KCTD8: variants seen among roughly 807,000 people sequenced by gnomAD.
KCTD8 encodes BTB/POZ domain-containing protein KCTD8.
In KCTD8, 27 loss-of-function variants were observed where a neutral mutation model predicts 31.5. That is an observed-to-expected ratio of 0.86 (90% CI 0.63 to 1.18). The LOEUF is 1.18. Among genes scored for constraint, KCTD8 ranks in the 50% most tolerant of loss-of-function variants. The probability of loss-of-function intolerance (pLI) is 0.00; values close to 1 mark genes in which losing one functional copy is unlikely to be tolerated. For synonymous variants in KCTD8, 290 were observed against 280.0 expected (o/e 1.04, Z -0.36); for missense variants, 658 against 647.7 (o/e 1.02, Z -0.17).
chr4:44,192,499 C>T (rs1198966829), intron 1 of KCTD8, among the ~76,000 whole-genome samples: 1 of 151,764 alleles, frequency 6.6e-6, no homozygotes, highest in Non-Finnish European at 1.5e-5. Flanking sequence ...CACACACACA[C>T]ACACACACAC....
intron 1 of KCTD8, among the ~76,000 whole-genome samples, chr4:44,311,038 TTGA>T (rs778815238): frequency 6.8e-6 from 1 of 146,142 alleles, no homozygotes; most frequent in Admixed American, 7.0e-5. Context: ...GAATTTCATC[TTGA>T]TGATTCCTCT....
chr4:44,374,089 G>A (rs1719859217), intron 1 of KCTD8, among the ~76,000 whole-genome samples: 1 of 152,168 alleles, frequency 6.6e-6, no homozygotes, highest in African/African-American at 2.4e-5. Flanking sequence ...AGTTTACTAT[G>A]TAGGCAATGG....
chr4:44,271,304 T>C (rs1716591534), intron 1 of KCTD8, among the ~76,000 whole-genome samples: 1 of 152,156 alleles, frequency 6.6e-6, no homozygotes, highest in Admixed American at 6.6e-5. Flanking sequence ...CCCTAATGAA[T>C]AGTAATCAAT....
intron 1 of KCTD8, among the ~76,000 whole-genome samples, chr4:44,371,653 C>T (rs1382749493): frequency 6.6e-6 from 1 of 152,120 alleles, no homozygotes; most frequent in African/African-American, 2.4e-5. Context: ...CATACACATA[C>T]AAATAAGTTT....
At position 44,367,413 on chromosome 4, in the gene KCTD8, A is replaced by G. The variant is rs1348446697; in HGVS notation, c.961+80150T>C. ...CAATCTCGAAGCTGACAGAACTCTC[A>G]GATCCTCCATTACTGGACCCAGTTT... On this transcript the variant is annotated intron_variant, in intron 1 of 1. Transcript: ENST00000360029. Among the ~76,000 whole-genome samples, 3 of 152,210 alleles carry G rather than the reference A, an allele frequency of 2.0e-5. No individual in the cohort carries two copies. In the East Asian group the frequency reaches 5.8e-4, roughly 29 times the overall value.
intron 1 of KCTD8, among the ~76,000 whole-genome samples, chr4:44,239,632 G>A (rs1004512230): frequency 2.0e-5 from 3 of 152,154 alleles, no homozygotes; most frequent in African/African-American, 7.2e-5. Flanking sequence ...TGATTCTGTA[G>A]TCTTTGATGG....
Position 44,416,078 on chromosome 4 carries a change from C to T in KCTD8, c.961+31485G>A, listed in dbSNP as rs570437242. ...ATGACCAAGAACTTGGGAGCCCACTCCTTGCACCAGTGTGCCCAGAATGCA... is the reference window on the plus strand; with the variant it reads ...ATGACCAAGAACTTGGGAGCCCACTTCTTGCACCAGTGTGCCCAGAATGCA... On this transcript the variant is annotated intron_variant, in intron 1 of 1. Coordinates refer to ENST00000360029, the MANE Select transcript of KCTD8 (RefSeq NM_198353.3). Among the ~76,000 whole-genome samples the T allele has an allele frequency of 6.6e-5, 10 of 152,336 alleles. No homozygotes were observed. In the East Asian group the frequency reaches 1.9e-3, roughly 29 times the overall value.
intron 1 of KCTD8, among the ~76,000 whole-genome samples, chr4:44,375,750 G>A (rs1220224197): frequency 6.6e-6 from 1 of 152,056 alleles, no homozygotes; most frequent in African/African-American, 2.4e-5. Context: ...CAGAACAGAC[G>A]GTGAGCCTCA....
At chr4:44,392,596 C>T (rs1449271222) in intron 1 of KCTD8, among the ~76,000 whole-genome samples, 1 of 151,868 alleles carries the variant, frequency 6.6e-6, no homozygotes, top group East Asian at 1.9e-4. Flanking sequence ...GTTAGAGGCC[C>T]TATTAGTCTG....
chr4:44,373,988 CT>C (rs1360555242), intron 1 of KCTD8, among the ~76,000 whole-genome samples: 2 of 152,074 alleles, frequency 1.3e-5, no homozygotes, highest in African/African-American at 4.8e-5. Context: ...AAGTACTATT[CT>C]TTAGAACACA....
intron 1 of KCTD8, among the ~76,000 whole-genome samples, chr4:44,295,186 C>T (rs2109387973): frequency 1.3e-5 from 2 of 152,230 alleles, no homozygotes; most frequent in African/African-American, 4.8e-5. Context: ...GTTCCAGCTA[C>T]TCTGGGGTCT....
chr4:44,425,816 C>T (rs957984984), intron 1 of KCTD8, among the ~76,000 whole-genome samples: 1 of 151,890 alleles, frequency 6.6e-6, no homozygotes, highest in Non-Finnish European at 1.5e-5. Flanking sequence ...GATGATGACA[C>T]CCTGTGGCCA....
At chr4:44,378,219 T>G (rs1034634529) in intron 1 of KCTD8, among the ~76,000 whole-genome samples, 11 of 135,042 alleles carry the variant, frequency 8.1e-5, no homozygotes, top group Non-Finnish European at 1.7e-4. Context: ...TGTATGTATA[T>G]TTTATATATA....
chr4:44,420,200 G>A (rs930582603), intron 1 of KCTD8, among the ~76,000 whole-genome samples: 3 of 151,420 alleles, frequency 2.0e-5, no homozygotes, highest in Admixed American at 6.6e-5. Flanking sequence ...CTTAGAGATA[G>A]AGACAATGAA....
At position 44,253,935 on chromosome 4, in the gene KCTD8, G is replaced by A. The variant is rs900540201; in HGVS notation, c.962-78685C>T. Among the ~76,000 whole-genome samples, 35 of 151,904 alleles carry A rather than the reference G, an allele frequency of 2.3e-4. 1 individual carries two copies. The highest frequency in any genetic ancestry group is 1.2e-4 in the Non-Finnish European group (8 of 67,900). On this transcript the variant is annotated intron_variant, in intron 1 of 1. Transcript: ENST00000360029. ...TGTACTGATAGTGAGCAGAAGCCAAGAAGCTTGAGGAAACTATTGGCGCAA... is the reference window on the plus strand; with the variant it reads ...TGTACTGATAGTGAGCAGAAGCCAAAAAGCTTGAGGAAACTATTGGCGCAA...
intron 1 of KCTD8, among the ~76,000 whole-genome samples, chr4:44,187,318 AGACACCTTGC>A (rs1429872436): frequency 6.6e-6 from 1 of 152,218 alleles, no homozygotes; most frequent in Non-Finnish European, 1.5e-5. Flanking sequence ...AAGTTGTTAC[AGACACCTTGC>A]AAGAGCTCTT....
intron 1 of KCTD8, among the ~76,000 whole-genome samples, chr4:44,322,210 C>T (rs942393582): frequency 1.6e-4 from 25 of 152,006 alleles, no homozygotes; most frequent in African/African-American, 5.8e-4. Flanking sequence ...ATTTTACATT[C>T]CCACCAACAG....
At chr4:44,212,689 T>C (rs1237466087) in intron 1 of KCTD8, among the ~76,000 whole-genome samples, 1 of 152,180 alleles carries the variant, frequency 6.6e-6, no homozygotes, top group Non-Finnish European at 1.5e-5. Flanking sequence ...TACTTCTTTT[T>C]CCATTCTTTT....
At chr4:44,316,815 A>AAAAAAAAAG (rs1718129689) in intron 1 of KCTD8, among the ~76,000 whole-genome samples, 1 of 143,992 alleles carries the variant, frequency 6.9e-6, no homozygotes, top group Non-Finnish European at 1.5e-5. Flanking sequence ...AAAAAAAAAA[A>AAAAAAAAAG]AAAAAAAAGA....
Sources: gnomAD v4.1 joint callset for allele counts (sites outside exome capture counted in the v4.1 genomes callset) on GRCh38, gnomAD v4.1.1 for gene constraint, MANE v1.5 for transcripts, NCBI Gene and HGNC (gene_info 2026-07-23, HGNC 2026-07-21) for gene names.